The following KCNJ6 variants were observed in gnomAD, a reference collection of about 807,000 sequenced individuals.
KCNJ6 encodes the protein G protein-activated inward rectifier potassium channel 2.
In KCNJ6, 9 loss-of-function variants were observed where a neutral mutation model predicts 34.2. The observed-to-expected ratio is 0.26, with a 90% CI of 0.16 to 0.46. The LOEUF (loss-of-function observed/expected upper bound fraction) is 0.46, where lower values mean the gene tolerates loss of function less well. Ranked by LOEUF, KCNJ6 falls within the 20% of genes least tolerant of loss-of-function variation. The pLI is 1.00. For missense variants in KCNJ6, 236 were observed against 531.3 expected (o/e 0.44, Z 5.46); for synonymous variants, 196 against 207.1 (o/e 0.95, Z 0.46).
At chr21:37,849,388 A>G (rs2055526405) in intron 1 of KCNJ6, among the ~76,000 whole-genome samples, 1 of 152,116 alleles carries the variant, frequency 6.6e-6, no homozygotes, top group Non-Finnish European at 1.5e-5. Flanking sequence ...TGCCTCTCCC[A>G]CCTGGCTTCA....
At chr21:37,777,873 G>A (rs938987926) in intron 2 of KCNJ6, among the ~76,000 whole-genome samples, 3 of 152,182 alleles carry the variant, frequency 2.0e-5, no homozygotes, top group Non-Finnish European at 4.4e-5. Flanking sequence ...TGGAAGAAAG[G>A]ATAGCAGGGA....
intron 1 of KCNJ6, among the ~76,000 whole-genome samples, chr21:37,887,138 C>T (rs187031509): frequency 1.3e-5 from 2 of 152,194 alleles, no homozygotes; most frequent in Admixed American, 6.5e-5. Flanking sequence ...ATCCTGTTAT[C>T]CCCTGCTGAG....
chr21:37,851,611 G>T (rs921132029), intron 1 of KCNJ6, among the ~76,000 whole-genome samples: 1 of 152,116 alleles, frequency 6.6e-6, no homozygotes, highest in African/African-American at 2.4e-5. Flanking sequence ...TTGATTCTCA[G>T]CAACAGAGAT....
chr21:37,791,118 C>T (rs930777585), intron 2 of KCNJ6, among the ~76,000 whole-genome samples: 2 of 152,218 alleles, frequency 1.3e-5, no homozygotes, highest in African/African-American at 4.8e-5. Context: ...CCTTGTCCTC[C>T]AGCCACACCG....
chr21:37,690,449 T>C (rs1044464271), intron 3 of KCNJ6, among the ~76,000 whole-genome samples: 4 of 152,188 alleles, frequency 2.6e-5, no homozygotes, highest in Admixed American at 6.5e-5. Flanking sequence ...GATTTTCACC[T>C]CCAGCCAATG....
chr21:37,647,667 A>C, intron 3 of KCNJ6, among the ~76,000 whole-genome samples: 1 of 152,096 alleles, frequency 6.6e-6, no homozygotes, highest in East Asian at 1.9e-4. Context: ...GAAATGATCC[A>C]AACTAGCCCA....
intron 1 of KCNJ6, among the ~76,000 whole-genome samples, chr21:37,844,870 T>C (rs898187539): frequency 4.6e-5 from 7 of 152,194 alleles, no homozygotes; most frequent in African/African-American, 1.7e-4. Flanking sequence ...ATTGAGGGAC[T>C]CTGGAAGCTC....
intron 2 of KCNJ6, among the ~76,000 whole-genome samples, chr21:37,739,931 G>C (rs983457898): frequency 2.7e-5 from 4 of 150,428 alleles, no homozygotes; most frequent in Admixed American, 2.7e-4. Context: ...AAAAGATCAG[G>C]TGTTGTTATC....
chr21:37,750,284 G>A (rs1392094983), intron 2 of KCNJ6, among the ~76,000 whole-genome samples: 1 of 152,202 alleles, frequency 6.6e-6, no homozygotes, highest in Non-Finnish European at 1.5e-5. Flanking sequence ...GTTGGTGGCA[G>A]TGTAAATTAG....
At chr21:37,841,843 T>C (rs2055482451) in intron 1 of KCNJ6, among the ~76,000 whole-genome samples, 1 of 152,256 alleles carries the variant, frequency 6.6e-6, no homozygotes, top group African/African-American at 2.4e-5. Context: ...TTTTTACTAC[T>C]TCATAAAACA....
intron 2 of KCNJ6, among the ~76,000 whole-genome samples, chr21:37,723,793 G>A (rs1430964719): frequency 6.6e-6 from 1 of 152,140 alleles, no homozygotes; most frequent in African/African-American, 2.4e-5. Context: ...CTCAAGGGTT[G>A]AAAACCTATT....
intron 3 of KCNJ6, among the ~76,000 whole-genome samples, chr21:37,646,756 C>T (rs1388790276): frequency 1.3e-5 from 2 of 151,760 alleles, no homozygotes; most frequent in African/African-American, 2.4e-5. Flanking sequence ...CTGCAAGCTC[C>T]GCCTCCCGGG....
rs62221644 is a variant in KCNJ6, at chr21:37,694,672, G to A, written c.946+19539C>T. Among the ~76,000 whole-genome samples, 711 of 152,294 alleles carry A rather than the reference G, an allele frequency of 4.7e-3. 2 individuals carry two copies. Among genetic ancestry groups the A allele is most frequent in the Non-Finnish European group, 7.7e-3 (525 of 68,028 alleles). On this transcript the variant is annotated intron_variant, in intron 3 of 3. Coordinates refer to ENST00000609713, the MANE Select transcript of KCNJ6 (RefSeq NM_002240.5). ...GCTCTGATTTGGTCCAAGAAGAATA[G>A]AAGTACTTTGCGTAATGTCATGGAC... is the stretch of plus-strand genomic sequence containing the variant.
intron 3 of KCNJ6, among the ~76,000 whole-genome samples, chr21:37,703,500 T>C (rs2054702650): frequency 6.6e-6 from 1 of 152,166 alleles, no homozygotes; most frequent in Admixed American, 6.5e-5. Context: ...GGGAAGAAAG[T>C]AGAAATCAAG....
At chr21:37,713,308 C>T (rs1005773404) in intron 3 of KCNJ6, among the ~76,000 whole-genome samples, 5 of 151,864 alleles carry the variant, frequency 3.3e-5, no homozygotes, top group Non-Finnish European at 5.9e-5. Flanking sequence ...GGAAAAAGGA[C>T]CCCAAAGACA....
intron 2 of KCNJ6, among the ~76,000 whole-genome samples, chr21:37,774,505 C>G (rs1364996896): frequency 6.6e-6 from 1 of 151,862 alleles, no homozygotes; most frequent in Admixed American, 6.6e-5. Flanking sequence ...CCCCCCTCCC[C>G]CTACCCCACA....
intron 2 of KCNJ6, among the ~76,000 whole-genome samples, chr21:37,803,281 T>C (rs2055278236): frequency 6.6e-6 from 1 of 152,160 alleles, no homozygotes; most frequent in Non-Finnish European, 1.5e-5. Flanking sequence ...TAATTTCCCA[T>C]TTTAGTGCCT....
chr21:37,619,510 T>G lies in KCNJ6; in HGVS notation c.*5649A>C, dbSNP rs566331278. On this transcript the variant is annotated 3_prime_UTR_variant, in exon 4 of 4. Transcript: ENST00000609713. The stretch of plus-strand genomic sequence containing the variant: ...GTTCTTTAATTACACATTAAACTTC[T>G]AGCTTAGTGGCTAGAGAGAGCAAAA... 1 of 152,334 alleles carries G rather than the reference T, an allele frequency of 6.6e-6. No individual in the cohort carries two copies. Among genetic ancestry groups the G allele is most frequent in the South Asian group, 2.1e-4 (1 of 4,826 alleles). 9.4% of individuals were successfully genotyped at this position (152,334 alleles called of 1,614,324 possible).
intron 3 of KCNJ6, among the ~76,000 whole-genome samples, chr21:37,656,099 G>T (rs2054462639): frequency 6.6e-6 from 1 of 152,144 alleles, no homozygotes; most frequent in African/African-American, 2.4e-5. Context: ...ATGGGACATG[G>T]TGCCTGGACT....
Sources: gnomAD v4.1 joint callset for allele counts (sites outside exome capture counted in the v4.1 genomes callset) on GRCh38, gnomAD v4.1.1 for gene constraint, MANE v1.5 for transcripts, NCBI Gene and HGNC (gene_info 2026-07-23, HGNC 2026-07-21) for gene names.